The following CCSER2 variants were observed in gnomAD, a reference collection of about 807,000 sequenced individuals.
CCSER2 encodes serine-rich coiled-coil domain-containing protein 2.
CCSER2 carries 46 observed loss-of-function variants against 92.3 expected under a neutral mutation model. The observed-to-expected ratio is 0.50, with a 90% CI of 0.39 to 0.64. CCSER2 has a LOEUF of 0.64. CCSER2 is among the 30% of genes least tolerant of loss of function. The pLI, the probability that CCSER2 is intolerant of heterozygous loss-of-function variation, is 0.00. For missense variants in CCSER2, 1,244 were observed against 1,238.9 expected (o/e 1.00, Z -0.06); for synonymous variants, 433 against 431.4 (o/e 1.00, Z -0.04).
At chr10:84,386,586 A>G (rs1841220292) in intron 3 of CCSER2, among the ~76,000 whole-genome samples, 1 of 152,158 alleles carries the variant, frequency 6.6e-6, no homozygotes, top group East Asian at 1.9e-4. Flanking sequence ...ACATGGTGGC[A>G]CAAATGCCTG....
chr10:84,454,878 A>G (rs1175802393), intron 6 of CCSER2: 1 of 152,806 alleles, frequency 6.5e-6, no homozygotes, highest in Non-Finnish European at 1.5e-5. Flanking sequence ...TCCCAACCCA[A>G]ATCTCTTCTT....
intron 3 of CCSER2, chr10:84,389,169 T>G (rs1841387410): frequency 3.5e-6 from 1 of 286,492 alleles, no homozygotes; most frequent in Non-Finnish European, 6.9e-6. Flanking sequence ...GCTTCTTAAC[T>G]AGCTGGCCAT....
chr10:84,457,269 ATATAATATAT>A (rs1387763686), intron 6 of CCSER2, among the ~76,000 whole-genome samples: 1 of 9,184 alleles, frequency 1.1e-4, no homozygotes, highest in African/African-American at 4.1e-4. Flanking sequence ...AATATATTAT[ATATAATATAT>A]TATATATTAT....
intron 5 of CCSER2, 73 bp downstream of exon 5, chr10:84,425,966 C>T: frequency 8.5e-7 from 1 of 1,174,740 alleles, no homozygotes; most frequent in South Asian, 2.5e-5. Context: ...TTTCCCAGAA[C>T]CCTCAAAAAA....
At chr10:84,345,657 A>G (rs1844435114) in intron 1 of CCSER2, among the ~76,000 whole-genome samples, 1 of 152,206 alleles carries the variant, frequency 6.6e-6, no homozygotes, top group Non-Finnish European at 1.5e-5. Context: ...ATAGAGAACA[A>G]AGGTCTAGAT....
In CCSER2 at chr10:84,457,626, ATATATTATATATAATTATATATAAT is replaced by A. The variant is rs1327261823; in HGVS notation, c.2065-6298_2065-6274del. Among the ~76,000 whole-genome samples, 27 of 23,914 alleles carry A rather than the reference ATATATTATATATAATTATATATAAT, an allele frequency of 1.1e-3. 1 individual carries two copies. Among genetic ancestry groups the A allele is most frequent in the Admixed American group, 1.4e-3 (2 of 1,380 alleles). The allele number at this position is 23,914 out of a possible 152,430, so 15.7% of individuals were successfully genotyped here. A position where few individuals can be genotyped will look rare whatever the true frequency, so the allele number is the denominator to read the frequency against. ...ATATATTATATATAATTATATATTT[ATATATTATATATAATTATATATAAT>A]TATATTATTTTTAATTTTAGTTATT... is the stretch of plus-strand genomic sequence containing the variant. On this transcript the variant is annotated intron_variant, in intron 6 of 9. Coordinates refer to ENST00000372088, the MANE Select transcript of CCSER2 (RefSeq NM_001284240.2).
intron 3 of CCSER2, among the ~76,000 whole-genome samples, chr10:84,384,145 C>T (rs11201016): frequency 1.3e-5 from 2 of 151,986 alleles, no homozygotes; most frequent in East Asian, 3.8e-4. Context: ...AAACTACCAA[C>T]TAAAAAAAGC....
At chr10:84,487,150 TGTA>T (rs1251185013) in intron 9 of CCSER2, among the ~76,000 whole-genome samples, 1 of 152,220 alleles carries the variant, frequency 6.6e-6, no homozygotes, top group Non-Finnish European at 1.5e-5. Flanking sequence ...ACTGTAGCCT[TGTA>T]GTATAGTTTG....
rs766955590 is a variant in CCSER2 at position 84,425,859 on chromosome 10, C to G, written c.1834C>G (p.His612Asp). Residue 612 changes from histidine (H) to aspartate (D), a missense_variant, in exon 5 of 10, where the codon CAC (histidine) becomes GAC (aspartate). His to Asp is a moderately conservative substitution (Grantham distance 81). Transcript: ENST00000372088. ...QEHYHLSHPD[H>D]YHHHGKSDLS... ...GCATTACCACCTCAGCCACCCTGAC[C>G]ACTATCATCACCATGGAAAAAGTGA... 6.2e-7 allele frequency: 1 copy of G among 1,610,812 alleles called. No individual in the cohort carries two copies. Among genetic ancestry groups the G allele is most frequent in the South Asian group, 1.1e-5 (1 of 90,604 alleles).
At chr10:84,505,090 G>A (rs949535120) in intron 9 of CCSER2, among the ~76,000 whole-genome samples, 2 of 151,990 alleles carry the variant, frequency 1.3e-5, no homozygotes, top group African/African-American at 4.8e-5. Context: ...TTGAATTTAT[G>A]TATTTTCAGT....
chr10:84,408,470 T>C (rs1253457717), intron 3 of CCSER2, among the ~76,000 whole-genome samples: 1 of 152,148 alleles, frequency 6.6e-6, no homozygotes, highest in Admixed American at 6.6e-5. Flanking sequence ...CCTTCCGTGT[T>C]CCTCTTCCCC....
At chr10:84,391,032 A>T (rs1841489379) in intron 3 of CCSER2, 1 of 776,098 alleles carries the variant, frequency 1.3e-6, no homozygotes, top group East Asian at 2.4e-5. Context: ...TAGGAACATT[A>T]GCAGATTCAG....
At chr10:84,457,356 T>C in intron 6 of CCSER2, among the ~76,000 whole-genome samples, 1 of 66,416 alleles carries the variant, frequency 1.5e-5, no homozygotes, top group South Asian at 4.3e-4. Flanking sequence ...ATATAATATA[T>C]ATATTTATTT....
chr10:84,342,194 A>G (rs1031686649), intron 1 of CCSER2, among the ~76,000 whole-genome samples: 2 of 152,150 alleles, frequency 1.3e-5, no homozygotes, highest in South Asian at 2.1e-4. Context: ...TTAGCATACA[A>G]AAGACACTCA....
chr10:84,483,997 A>ATATATATATATATATGT (rs1289207905), intron 9 of CCSER2, among the ~76,000 whole-genome samples: 1 of 75,538 alleles, frequency 1.3e-5, no homozygotes, highest in Non-Finnish European at 2.3e-5. Flanking sequence ...ATATATATAT[A>ATATATATATATATATGT]ATTTTTTTTT....
At chr10:84,445,633 C>G (rs1471982620) in intron 6 of CCSER2, among the ~76,000 whole-genome samples, 1 of 152,084 alleles carries the variant, frequency 6.6e-6, no homozygotes, top group African/African-American at 2.4e-5. Context: ...CTCTGCTTGC[C>G]CATTCTCATG....
chr10:84,422,269 C>G (rs1212469914), intron 4 of CCSER2, among the ~76,000 whole-genome samples: 1 of 152,174 alleles, frequency 6.6e-6, no homozygotes, highest in Admixed American at 6.5e-5. Flanking sequence ...GTATCATGTT[C>G]TGATCCCCAA....
At chr10:84,476,433 CTCTTTTTTTT>C (rs1457961828) in intron 8 of CCSER2, among the ~76,000 whole-genome samples, 1 of 121,412 alleles carries the variant, frequency 8.2e-6, no homozygotes, top group East Asian at 2.4e-4. Context: ...TGAATTCTCT[CTCTTTTTTTT>C]TTTTTTTTTT....
At chr10:84,340,621 T>C (rs1353255707) in intron 1 of CCSER2, among the ~76,000 whole-genome samples, 2 of 152,078 alleles carry the variant, frequency 1.3e-5, no homozygotes, top group Admixed American at 6.5e-5. Flanking sequence ...TGAATTTTTT[T>C]CCTTCTCTGG....
Sources: allele counts gnomAD v4.1 joint callset (sites outside exome capture counted in the v4.1 genomes callset), GRCh38; gene constraint gnomAD v4.1.1; transcripts MANE v1.5; gene names NCBI Gene and HGNC (gene_info 2026-07-23, HGNC 2026-07-21).